PRCP: variants seen among roughly 807,000 people sequenced by gnomAD.
PRCP encodes lysosomal Pro-X carboxypeptidase.
A neutral mutation model predicts 54.2 loss-of-function variants in PRCP; 46 were observed. That is an observed-to-expected ratio of 0.85 (90% CI 0.67 to 1.09). The LOEUF (loss-of-function observed/expected upper bound fraction) is 1.09, where lower values mean the gene tolerates loss of function less well. Among genes scored for constraint, PRCP ranks in the 50% least tolerant of loss-of-function variants. The pLI is 0.00. For synonymous variants in PRCP, 240 were observed against 212.2 expected (o/e 1.13, Z -1.14); for missense variants, 613 against 596.8 (o/e 1.03, Z -0.28).
chr11:82,848,927 A>C, intron 6 of PRCP, 122 bp downstream of exon 6: 1 of 994,216 alleles, frequency 1.0e-6, no homozygotes, highest in South Asian at 1.8e-5. Flanking sequence ...ATTCCAGCTC[A>C]AGTTTGACAA....
chr11:82,848,329 A>C (rs1055728170), intron 6 of PRCP, among the ~76,000 whole-genome samples: 2 of 152,224 alleles, frequency 1.3e-5, no homozygotes, highest in African/African-American at 4.8e-5. Flanking sequence ...GAACCTTAAA[A>C]TTTATACTGT....
chr11:82,865,506 C>CA (rs1404848891), intron 1 of PRCP, among the ~76,000 whole-genome samples: 1 of 152,230 alleles, frequency 6.6e-6, no homozygotes, highest in Non-Finnish European at 1.5e-5. Flanking sequence ...TCCTTCTTGG[C>CA]AGCCTTCGGT....
At chr11:82,845,283 T>A (rs1003715841) in intron 6 of PRCP, among the ~76,000 whole-genome samples, 56 of 152,300 alleles carry the variant, frequency 3.7e-4, no homozygotes, top group African/African-American at 1.2e-3. Flanking sequence ...GATAATGATT[T>A]GTTTAAAAGT....
intron 1 of PRCP, among the ~76,000 whole-genome samples, chr11:82,886,779 C>A (rs576478338): frequency 5.7e-4 from 87 of 152,306 alleles, no homozygotes; most frequent in African/African-American, 1.9e-3. Context: ...ATTGTAGTAA[C>A]TCCCTACAGG....
At chr11:82,891,685 C>T (rs907928358) in intron 1 of PRCP, among the ~76,000 whole-genome samples, 2 of 152,152 alleles carry the variant, frequency 1.3e-5, no homozygotes, top group African/African-American at 4.8e-5. Flanking sequence ...TTGCACTTGA[C>T]CTTCCCTGCC....
At chr11:82,887,610 A>G (rs1453694540) in intron 1 of PRCP, among the ~76,000 whole-genome samples, 4 of 152,130 alleles carry the variant, frequency 2.6e-5, no homozygotes, top group African/African-American at 9.7e-5. Flanking sequence ...AGAGTCTCAG[A>G]AGCAAAGTCT....
intron 1 of PRCP, among the ~76,000 whole-genome samples, chr11:82,896,757 A>G (rs1691298042): frequency 6.6e-6 from 1 of 151,660 alleles, no homozygotes; most frequent in South Asian, 2.1e-4. Flanking sequence ...CTGGGCATCC[A>G]AACTGCAACT....
chr11:82,871,399 G>A (rs1294945538), intron 1 of PRCP, among the ~76,000 whole-genome samples: 8 of 151,862 alleles, frequency 5.3e-5, no homozygotes, highest in East Asian at 1.9e-4. Flanking sequence ...GGCTGGTCTC[G>A]AACTCCTGAA....
At chr11:82,851,590 C>A (rs939336308) in intron 3 of PRCP, among the ~76,000 whole-genome samples, 2 of 151,458 alleles carry the variant, frequency 1.3e-5, no homozygotes, top group African/African-American at 4.9e-5. Context: ...AACAGAACCA[C>A]CTAGCTAAAC....
At chr11:82,892,915 C>T (rs1234373475) in intron 1 of PRCP, among the ~76,000 whole-genome samples, 2 of 152,168 alleles carry the variant, frequency 1.3e-5, no homozygotes, top group Non-Finnish European at 2.9e-5. Context: ...TATGCCTGGC[C>T]AGGACCTAGC....
At chr11:82,881,414 C>A (rs749272215) in intron 1 of PRCP, among the ~76,000 whole-genome samples, 2 of 152,150 alleles carry the variant, frequency 1.3e-5, no homozygotes, top group Non-Finnish European at 2.9e-5. Flanking sequence ...CAGGTAACAT[C>A]CAAATGCTAC....
Position 82,871,177 on chromosome 11 carries a change from CTT to C in PRCP, c.169-11062_169-11061del, listed in dbSNP as rs146234682. On this transcript the variant is annotated intron_variant, in intron 1 of 8. Transcript: ENST00000313010. ...ATAGTCTATTGTTCTAAATGTTTCT[CTT>C]TTTTTTTTTTTTTTTTTTTGAAACA... is the stretch of plus-strand genomic sequence containing the variant. 1.7e-3 allele frequency among the ~76,000 whole-genome samples: 199 copies of C among 117,380 alleles called. 1 individual carries two copies. Among genetic ancestry groups the C allele is most frequent in the Non-Finnish European group, 9.2e-4 (53 of 57,446 alleles). 77.0% of individuals were successfully genotyped at this position (117,380 alleles called of 152,430 possible).
chr11:82,845,156 G>A (rs1192896704), intron 6 of PRCP, among the ~76,000 whole-genome samples: 1 of 152,076 alleles, frequency 6.6e-6, no homozygotes, highest in African/African-American at 2.4e-5. Context: ...GTTTTAAAGT[G>A]TATAGAAATA....
chr11:82,865,117 G>A (rs1452220022), intron 1 of PRCP, among the ~76,000 whole-genome samples: 2 of 152,142 alleles, frequency 1.3e-5, no homozygotes, highest in South Asian at 2.1e-4. Flanking sequence ...AAATAAGAAG[G>A]CTGATGCTCA....
At chr11:82,853,450 T>C (rs565155017) in intron 2 of PRCP, among the ~76,000 whole-genome samples, 172 bp from the exon 3 acceptor site, 1 of 152,348 alleles carries the variant, frequency 6.6e-6, no homozygotes, top group East Asian at 1.9e-4. Context: ...TGTCTTATTG[T>C]TGCATATCAA....
At chr11:82,853,993 A>G (rs1034335865) in intron 2 of PRCP, among the ~76,000 whole-genome samples, 6 of 152,220 alleles carry the variant, frequency 3.9e-5, no homozygotes, top group African/African-American at 1.4e-4. Flanking sequence ...TAGGTATTGA[A>G]GGAACATACC....
In PRCP at chr11:82,900,242, T is replaced by C. The variant is rs751127577; in HGVS notation, c.161A>G (p.Gln54Arg). Residue 54 changes from glutamine to arginine, a missense_variant, in exon 1 of 9, where the codon CAA becomes CGA. Transcript: ENST00000313010. ...VAKNYSVLYF[Q>R]QKVDHFGFNT... Reference sequence around the variant, plus strand: ...GCCCCCGCTCCCCCTTACCTTCTGTTGGAAGTAGAGAACCGAATAGTTCTT... The same window carrying C: ...GCCCCCGCTCCCCCTTACCTTCTGTCGGAAGTAGAGAACCGAATAGTTCTT... 3.1e-6 allele frequency: 5 copies of C among 1,614,138 alleles called. No individual in the cohort carries two copies. Among genetic ancestry groups the C allele is most frequent in the Non-Finnish European group, 4.2e-6 (5 of 1,179,996 alleles).
intron 8 of PRCP, chr11:82,831,555 G>A (rs189318096): frequency 1.3e-5 from 2 of 152,188 alleles, no homozygotes; most frequent in Admixed American, 1.3e-4. Context: ...ATGGCATCAA[G>A]GTCTACCTGA....
At chr11:82,889,373 A>C (rs11286622) in intron 1 of PRCP, among the ~76,000 whole-genome samples, 38,063 of 148,608 alleles carry the variant, frequency 0.26, 5,134 homozygotes, top group Admixed American at 0.31. Flanking sequence ...CAAAAAAAAA[A>C]CCAACAAAAT....
Sources: allele counts gnomAD v4.1 joint callset (sites outside exome capture counted in the v4.1 genomes callset), GRCh38; gene constraint gnomAD v4.1.1; transcripts MANE v1.5; gene names NCBI Gene and HGNC (gene_info 2026-07-23, HGNC 2026-07-21).